SAMMSON: variants seen among roughly 807,000 people sequenced by gnomAD.
SAMMSON encodes survival associated mitochondrial melanoma specific oncogenic non-coding RNA.
intron 2 of SAMMSON, among the ~76,000 whole-genome samples, chr3:70,422,998 T>TA (rs904628451): frequency 6.6e-6 from 1 of 151,978 alleles, no homozygotes; most frequent in Non-Finnish European, 1.5e-5. Context: ...GAGTCACTTA[T>TA]AATGAAGTTG....
At chr3:70,203,615 A>C (rs1263021304) in intron 4 of SAMMSON, among the ~76,000 whole-genome samples, 1 of 152,162 alleles carries the variant, frequency 6.6e-6, no homozygotes, top group Admixed American at 6.5e-5. Context: ...ACATTTTATA[A>C]GGTGACACTG....
intron 4 of SAMMSON, among the ~76,000 whole-genome samples, chr3:70,088,705 GT>G (rs1168397030): frequency 1.3e-5 from 2 of 152,102 alleles, no homozygotes; most frequent in East Asian, 3.9e-4. Flanking sequence ...TTCTATAATA[GT>G]TTTGTTGGGA....
At chr3:70,121,196 C>A (rs941848760) in intron 4 of SAMMSON, among the ~76,000 whole-genome samples, 16 of 152,182 alleles carry the variant, frequency 1.1e-4, no homozygotes. Context: ...GTGATGTGAG[C>A]CATGGGGAGC....
At chr3:70,226,548 G>A (rs1559539626) in intron 4 of SAMMSON, among the ~76,000 whole-genome samples, 1 of 152,000 alleles carries the variant, frequency 6.6e-6, no homozygotes, top group Non-Finnish European at 1.5e-5. Context: ...GACCAGCCTT[G>A]CCAACATGGT....
chr3:70,291,605 A>G (rs1702240463), intron 7 of SAMMSON, among the ~76,000 whole-genome samples: 2 of 152,138 alleles, frequency 1.3e-5, no homozygotes, highest in African/African-American at 4.8e-5. Flanking sequence ...GGAACATCGG[A>G]TCCACAAATG....
At chr3:70,097,674 A>G (rs1046888646) in intron 4 of SAMMSON, among the ~76,000 whole-genome samples, 1 of 152,102 alleles carries the variant, frequency 6.6e-6, no homozygotes. Context: ...CCTCTTAGGG[A>G]TTATATTTTT....
At chr3:70,375,565 C>T (rs1168027901) in intron 9 of SAMMSON, among the ~76,000 whole-genome samples, 1 of 152,006 alleles carries the variant, frequency 6.6e-6, no homozygotes, top group Admixed American at 6.6e-5. Flanking sequence ...AGGTTCATGA[C>T]CTGAAAGCTC....
chr3:70,101,993 A>T (rs1489086930), intron 4 of SAMMSON, among the ~76,000 whole-genome samples: 1 of 152,182 alleles, frequency 6.6e-6, no homozygotes, highest in Non-Finnish European at 1.5e-5. Flanking sequence ...CCCTAGTTAT[A>T]TCCACTAGTT....
intron 4 of SAMMSON, among the ~76,000 whole-genome samples, chr3:70,102,656 C>G (rs1416128181): frequency 6.6e-6 from 1 of 152,118 alleles, no homozygotes; most frequent in Non-Finnish European, 1.5e-5. Context: ...TGATCTTGTA[C>G]GAACAGCTCC....
chr3:70,288,511 G>C (rs1013558492), intron 6 of SAMMSON, among the ~76,000 whole-genome samples: 5 of 150,494 alleles, frequency 3.3e-5, no homozygotes, highest in Non-Finnish European at 5.9e-5. Flanking sequence ...GGTGTGGTGT[G>C]GTGCTGAAAA....
At chr3:70,092,015 A>T (rs1349794238) in intron 4 of SAMMSON, among the ~76,000 whole-genome samples, 4 of 152,116 alleles carry the variant, frequency 2.6e-5, no homozygotes, top group African/African-American at 9.7e-5. Context: ...TCCTCATTGA[A>T]CCTGAAACCA....
At chr3:70,134,935 A>G (rs1048695895) in intron 4 of SAMMSON, among the ~76,000 whole-genome samples, 1 of 152,202 alleles carries the variant, frequency 6.6e-6, no homozygotes, top group Non-Finnish European at 1.5e-5. Flanking sequence ...TTTGAATAAA[A>G]TTAAAGTACA....
intron 9 of SAMMSON, among the ~76,000 whole-genome samples, chr3:70,373,807 C>T (rs529114005): frequency 5.4e-4 from 82 of 151,820 alleles, no homozygotes; most frequent in African/African-American, 1.9e-3. Flanking sequence ...TCATTTGGTT[C>T]TTCTTTATAT....
chr3:70,024,179 C>A (rs1198324090), intron 3 of SAMMSON, among the ~76,000 whole-genome samples: 2 of 152,162 alleles, frequency 1.3e-5, no homozygotes, highest in African/African-American at 4.8e-5. Context: ...TCTCACATTT[C>A]TTTTATATTC....
At chr3:70,051,100 C>T (rs1268780594) in intron 3 of SAMMSON, among the ~76,000 whole-genome samples, 2 of 134,960 alleles carry the variant, frequency 1.5e-5, no homozygotes, top group African/African-American at 2.8e-5. Flanking sequence ...GCACCACTGC[C>T]CTCCAGCCTG....
chr3:70,339,117 T>C (rs552878275), intron 7 of SAMMSON, among the ~76,000 whole-genome samples: 1 of 152,288 alleles, frequency 6.6e-6, no homozygotes, highest in East Asian at 1.9e-4. Flanking sequence ...AACCATCTGA[T>C]CTTTGAGAAT....
chr3:70,071,830 T>C (rs2067231211), intron 4 of SAMMSON: 1 of 151,974 alleles, frequency 6.6e-6, no homozygotes, highest in East Asian at 1.9e-4. Flanking sequence ...TAACATTTCT[T>C]TTCCAGCTGA....
At chr3:70,023,164 A>T (rs1016628625) in intron 3 of SAMMSON, among the ~76,000 whole-genome samples, 1 of 152,084 alleles carries the variant, frequency 6.6e-6, no homozygotes, top group Non-Finnish European at 1.5e-5. Context: ...GGAATCTTAT[A>T]TGTTTCTTTA....
At chr3:70,230,706 T>A (rs1190096855) in intron 4 of SAMMSON, among the ~76,000 whole-genome samples, 1 of 152,226 alleles carries the variant, frequency 6.6e-6, no homozygotes, top group Non-Finnish European at 1.5e-5. Flanking sequence ...TGGATTCCTC[T>A]GTAAGTGGTG....
Sources: allele counts gnomAD v4.1 joint callset (sites outside exome capture counted in the v4.1 genomes callset), GRCh38; gene constraint gnomAD v4.1.1; transcripts MANE v1.5; gene names NCBI Gene and HGNC (gene_info 2026-07-23, HGNC 2026-07-21).